Variants in RSBN1L observed in about 807,000 individuals in gnomAD.
The protein encoded by RSBN1L is lysine-specific demethylase RSBN1L.
RSBN1L carries 30 observed loss-of-function variants against 67.7 expected under a neutral mutation model. That is an observed-to-expected ratio of 0.44 (90% CI 0.33 to 0.60). The LOEUF (loss-of-function observed/expected upper bound fraction) is 0.60, where lower values mean the gene tolerates loss of function less well. RSBN1L is among the 20% of genes least tolerant of loss of function. RSBN1L has a pLI of 0.02. For missense variants in RSBN1L, 992 were observed against 1,031.7 expected, an observed-to-expected ratio of 0.96 and a Z score of 0.53; for synonymous variants, 433 against 387.0, an observed-to-expected ratio of 1.12 and a Z score of -1.39.
At chr7:77,748,513 G>C (rs1053971776) in intron 2 of RSBN1L, among the ~76,000 whole-genome samples, 4 of 152,110 alleles carry the variant, frequency 2.6e-5, no homozygotes, top group Admixed American at 2.6e-4. Context: ...TTTGGGATAG[G>C]GTTTCGCTGT....
chr7:77,768,807 T>C lies in RSBN1L; in HGVS notation c.1625+4T>C, dbSNP rs1791808244. 1 of 1,613,740 alleles carries C rather than the reference T, an allele frequency of 6.2e-7. No individual in the cohort carries two copies. The highest frequency in any genetic ancestry group is 8.5e-7 in the Non-Finnish European group (1 of 1,179,672). On this transcript the variant is annotated splice_donor_region_variant and intron_variant, in intron 5 of 7. Transcript: ENST00000334955. ...AGTCACCTTTCAAAAGGAAAAGGTA[T>C]GTTGTATACACATTTTTATTGGAGG...
chr7:77,701,801 G>A (rs915254167), intron 1 of RSBN1L, among the ~76,000 whole-genome samples: 1 of 151,030 alleles, frequency 6.6e-6, no homozygotes, highest in Non-Finnish European at 1.5e-5. Flanking sequence ...ACAGGTGTGC[G>A]CCACCACGCC....
At chr7:77,732,477 C>T (rs1791283628) in intron 1 of RSBN1L, among the ~76,000 whole-genome samples, 1 of 152,116 alleles carries the variant, frequency 6.6e-6, no homozygotes, top group African/African-American at 2.4e-5. Flanking sequence ...GGATTAAAGG[C>T]ACCCGCCACC....
chr7:77,764,544 C>T (rs964182481), intron 3 of RSBN1L, among the ~76,000 whole-genome samples: 17 of 152,044 alleles, frequency 1.1e-4, no homozygotes, highest in Non-Finnish European at 1.8e-4. Context: ...GCTCAAGGAA[C>T]GCAAATGATT....
intron 1 of RSBN1L, among the ~76,000 whole-genome samples, chr7:77,724,722 G>A (rs969395722): frequency 8.6e-5 from 13 of 151,868 alleles, no homozygotes; most frequent in African/African-American, 2.7e-4. Context: ...CACTGCGCCC[G>A]GCCATGAATC....
chr7:77,745,317 T>C (rs1791468152), intron 2 of RSBN1L, among the ~76,000 whole-genome samples: 1 of 151,588 alleles, frequency 6.6e-6, no homozygotes, highest in South Asian at 2.1e-4. Flanking sequence ...ACTATAAGCC[T>C]CAGGTAGTCT....
At chr7:77,747,392 C>T (rs187844312) in intron 2 of RSBN1L, among the ~76,000 whole-genome samples, 12 of 152,316 alleles carry the variant, frequency 7.9e-5, no homozygotes, top group African/African-American at 2.6e-4. Flanking sequence ...GGCCTGGAGG[C>T]CTAGTAGGAC....
chr7:77,730,790 G>A (rs958729014), intron 1 of RSBN1L, among the ~76,000 whole-genome samples: 1 of 152,202 alleles, frequency 6.6e-6, no homozygotes, highest in Admixed American at 6.5e-5. Context: ...GGACATCATG[G>A]TTGTTCCCAA....
chr7:77,763,745 T>C (rs1430522639), intron 3 of RSBN1L, among the ~76,000 whole-genome samples: 1 of 152,128 alleles, frequency 6.6e-6, no homozygotes, highest in African/African-American at 2.4e-5. Flanking sequence ...CAGGCTGGAG[T>C]GCAGTGGCCT....
At chr7:77,702,416 T>C (rs892893940) in intron 1 of RSBN1L, among the ~76,000 whole-genome samples, 1 of 152,230 alleles carries the variant, frequency 6.6e-6, no homozygotes, top group Non-Finnish European at 1.5e-5. Context: ...CTGTTCTCCC[T>C]ATTATTTTTG....
intron 1 of RSBN1L, among the ~76,000 whole-genome samples, chr7:77,718,482 G>T (rs964079344): frequency 1.3e-5 from 2 of 151,904 alleles, no homozygotes; most frequent in African/African-American, 2.4e-5. Context: ...ATAGAGATGA[G>T]GTTTTATCAT....
rs545375086 is a variant in RSBN1L at position 77,749,978 on chromosome 7, T to C, written c.1258T>C (p.Phe420Leu). Residue 420 changes from phenylalanine to leucine, a missense_variant, in exon 3 of 8, where the codon TTT becomes CTT. Physicochemically the swap from Phe to Leu is conservative, Grantham distance 22 (BLOSUM62 0). Transcript: ENST00000334955. ...YLPDFLDYFS[F>L]NFPNSPVKME... The stretch of plus-strand genomic sequence containing the variant: ...ACCTGACTTTTTAGACTATTTTTCA[T>C]TTAATTTTCCCAATTCACCAGTGAA... The C allele has an allele frequency of 1.7e-5, 27 of 1,613,886 alleles. No individual in the cohort carries two copies. The East Asian group carries it at 4.9e-4, about 29-fold the overall frequency.
In RSBN1L at chr7:77,750,043, T is replaced by A. The variant is rs773548939; in HGVS notation, c.1323T>A (p.Thr441=). ...GAAAGAAAGATATAGAGACAACGAC[T>A]ATGTCCAATTTTCATGCTCAGGTAA... ...ILGKKDIETT[T]MSNFHAQVKR... Residue 441 remains threonine, a synonymous_variant, in exon 3 of 8, where the codon ACT becomes ACA. Coordinates refer to ENST00000334955, the MANE Select transcript of RSBN1L (RefSeq NM_198467.3). The A allele has an allele frequency of 2.5e-6, 4 of 1,594,436 alleles. No individual in the cohort carries two copies. The South Asian group carries it at 4.6e-5, about 18-fold the overall frequency.
chr7:77,739,556 T>C (rs1199829020), intron 2 of RSBN1L, among the ~76,000 whole-genome samples: 1 of 150,434 alleles, frequency 6.6e-6, no homozygotes, highest in African/African-American at 2.4e-5. Flanking sequence ...CTACTAAAAA[T>C]AGAAAAATTA....
intron 1 of RSBN1L, among the ~76,000 whole-genome samples, chr7:77,703,100 T>C (rs576380118): frequency 6.6e-6 from 1 of 152,296 alleles, no homozygotes; most frequent in South Asian, 2.1e-4. Context: ...ACAAGTCTTG[T>C]CATTCATTTC....
At chr7:77,754,557 G>A (rs988150812) in intron 3 of RSBN1L, among the ~76,000 whole-genome samples, 3 of 152,164 alleles carry the variant, frequency 2.0e-5, no homozygotes, top group Non-Finnish European at 4.4e-5. Context: ...GAACATGGAA[G>A]TTTTCAGCAC....
At chr7:77,703,832 C>T (rs947787545) in intron 1 of RSBN1L, among the ~76,000 whole-genome samples, 1 of 152,014 alleles carries the variant, frequency 6.6e-6, no homozygotes, top group Non-Finnish European at 1.5e-5. Flanking sequence ...CTCTGTTGCC[C>T]AGGTTGGAAT....
rs1791011863 is a variant in RSBN1L at position 77,714,059 on chromosome 7, G to A, written c.586+17004G>A. On this transcript the variant is annotated intron_variant, in intron 1 of 7. Coordinates refer to ENST00000334955, the MANE Select transcript of RSBN1L (RefSeq NM_198467.3). Reference sequence around the variant, plus strand: ...TGTTTATCATACTAAAATCACATGTGTAGTTGGGTCTGTTTTTAGATTTGC... The same window carrying A: ...TGTTTATCATACTAAAATCACATGTATAGTTGGGTCTGTTTTTAGATTTGC... Among the ~76,000 whole-genome samples the A allele has an allele frequency of 1.3e-5, 2 of 152,120 alleles. 1 individual carries two copies. Among genetic ancestry groups the A allele is most frequent in the South Asian group, 4.1e-4 (2 of 4,820 alleles).
chr7:77,716,610 A>T (rs73372292), intron 1 of RSBN1L, among the ~76,000 whole-genome samples: 1 of 133,804 alleles, frequency 7.5e-6, no homozygotes, highest in South Asian at 2.4e-4. Context: ...TAAAAGCTGC[A>T]TGTGTATCTT....
Sources: gnomAD v4.1 joint callset for allele counts (sites outside exome capture counted in the v4.1 genomes callset) on GRCh38, gnomAD v4.1.1 for gene constraint, MANE v1.5 for transcripts, NCBI Gene and HGNC (gene_info 2026-07-23, HGNC 2026-07-21) for gene names.